Variants in SLC36A4 observed in about 807,000 individuals in gnomAD.
SLC36A4 encodes neutral amino acid uniporter 4.
A neutral mutation model predicts 50.5 loss-of-function variants in SLC36A4; 49 were observed. The observed-to-expected ratio is 0.97, with a 90% CI of 0.77 to 1.23. SLC36A4 has a LOEUF of 1.23. Among genes scored for constraint, SLC36A4 ranks in the 50% most tolerant of loss-of-function variants. The probability of loss-of-function intolerance (pLI) is 0.00; values close to 1 mark genes in which losing one functional copy is unlikely to be tolerated. For synonymous variants in SLC36A4, 207 were observed against 206.5 expected (o/e 1.00, Z -0.02); for missense variants, 611 against 608.4 (o/e 1.00, Z -0.05).
At position 93,180,363 on chromosome 11, in the gene SLC36A4, A is replaced by G. The variant is rs1012246506; in HGVS notation, c.540+434T>C. Reference sequence around the variant, plus strand: ...CAGAAAACTGTTCATTTTTGGACACAGTGTCTTTTTACACAATGGCTATAA... The same window carrying G: ...CAGAAAACTGTTCATTTTTGGACACGGTGTCTTTTTACACAATGGCTATAA... On this transcript the variant is annotated intron_variant, in intron 6 of 10. Transcript: ENST00000326402. The G allele has an allele frequency of 1.9e-5, 19 of 979,506 alleles. No individual in the cohort carries two copies. The African/African-American group carries it at 3.0e-4, about 15-fold the overall frequency. 60.7% of individuals were successfully genotyped at this position (979,506 alleles called of 1,614,324 possible). A position where few individuals can be genotyped will look rare whatever the true frequency, so the allele number is the denominator to read the frequency against.
intron 6 of SLC36A4, among the ~76,000 whole-genome samples, chr11:93,168,400 T>C (rs1327024468): frequency 1.3e-5 from 2 of 152,106 alleles, no homozygotes; most frequent in African/African-American, 4.8e-5. Flanking sequence ...GGTAATTTCT[T>C]TTATCATACT....
At position 93,146,797 on chromosome 11, in the gene SLC36A4, T is replaced by A. The variant is rs1236643484; in HGVS notation, c.*1740A>T. 1 of 152,120 alleles carries A rather than the reference T, an allele frequency of 6.6e-6. No homozygotes were observed. The highest frequency in any genetic ancestry group is 2.1e-4 in the South Asian group (1 of 4,832). The allele number at this position is 152,120 out of a possible 1,614,324, so 9.4% of individuals were successfully genotyped here. A position where few individuals can be genotyped will look rare whatever the true frequency, so the allele number is the denominator to read the frequency against. On this transcript the variant is annotated 3_prime_UTR_variant, in exon 11 of 11. Transcript: ENST00000326402. ...AGTCAGAAGACAATTCTATTCTTAATAATTTTCATTTTCCCCACTAACTGA... is the reference window on the plus strand; with the variant it reads ...AGTCAGAAGACAATTCTATTCTTAAAAATTTTCATTTTCCCCACTAACTGA...
intron 9 of SLC36A4, among the ~76,000 whole-genome samples, chr11:93,155,935 C>T (rs1860338739): frequency 6.6e-6 from 1 of 152,198 alleles, no homozygotes; most frequent in Non-Finnish European, 1.5e-5. Context: ...CATAGTATTC[C>T]ATGATGTATA....
Position 93,144,623 on chromosome 11 carries a change from C to G in SLC36A4, c.*3914G>C, listed in dbSNP as rs1280258291. The G allele has an allele frequency of 6.6e-6, 1 of 151,988 alleles. No homozygotes were observed. The highest frequency in any genetic ancestry group is 1.5e-5 in the Non-Finnish European group (1 of 67,966). 9.4% of individuals were successfully genotyped at this position (151,988 alleles called of 1,614,324 possible). On this transcript the variant is annotated 3_prime_UTR_variant, in exon 11 of 11. Transcript: ENST00000326402. The stretch of plus-strand genomic sequence containing the variant: ...ATAGGGCAATAAATAGCATTTCTAG[C>G]CATTTCTTAGGCATGTTTCCTTATC...
rs1861960612 is a variant in SLC36A4, at chr11:93,185,818, T to C, written c.56-4A>G. 4 of 1,571,900 alleles carry C rather than the reference T, an allele frequency of 2.5e-6. No homozygotes were observed. The highest frequency in any genetic ancestry group is 3.4e-6 in the Non-Finnish European group (4 of 1,168,976). On this transcript the variant is annotated splice_polypyrimidine_tract_variant and splice_region_variant and intron_variant, in intron 1 of 10. Coordinates refer to ENST00000326402, the MANE Select transcript of SLC36A4 (RefSeq NM_152313.4). ...AAGGGCCTCATTACATCCATATCTT[T>C]AAAAAAGAAAAACAAAGTACTTCAC...
At chr11:93,160,319 G>T (rs1321927421) in intron 9 of SLC36A4, 1 of 985,268 alleles carries the variant, frequency 1.0e-6, no homozygotes. Flanking sequence ...TGGCTTTCCT[G>T]TTTTTTCCAG....
In SLC36A4 at chr11:93,148,188, T is replaced by G. The variant is rs1056895075; in HGVS notation, c.*349A>C. The G allele has an allele frequency of 5.2e-6, 1 of 191,536 alleles. No individual in the cohort carries two copies. The highest frequency in any genetic ancestry group is 1.1e-5 in the Non-Finnish European group (1 of 95,234). The allele number at this position is 191,536 out of a possible 1,614,324, so 11.9% of individuals were successfully genotyped here. ...TTATTGTTGAAATCCTATTCTGTTC[T>G]CAAGTGAGTGGCAAAAGAGTAGCAT... On this transcript the variant is annotated 3_prime_UTR_variant, in exon 11 of 11. Transcript: ENST00000326402.
chr11:93,180,907 T>C, intron 5 of SLC36A4, 26 bp from the exon 6 acceptor site: 1 of 1,409,870 alleles, frequency 7.1e-7, no homozygotes, highest in Non-Finnish European at 1.0e-6. Flanking sequence ...CACAAATGAG[T>C]ATCCAGGAGA....
chr11:93,159,692 A>C, intron 9 of SLC36A4: 1 of 438,226 alleles, frequency 2.3e-6, no homozygotes, highest in Non-Finnish European at 3.0e-6. Context: ...TACATTCTTT[A>C]CTTCAAAAGC....
At chr11:93,154,566 T>C (rs537173131) in intron 9 of SLC36A4, 1 of 169,486 alleles carries the variant, frequency 5.9e-6, no homozygotes, top group East Asian at 1.5e-4. Flanking sequence ...TTCTGAAGGT[T>C]AGACTCAGCC....
chr11:93,173,222 T>C (rs1412702297), intron 6 of SLC36A4, among the ~76,000 whole-genome samples: 4 of 150,062 alleles, frequency 2.7e-5, no homozygotes, highest in Non-Finnish European at 3.0e-5. Context: ...TTTCATGTGT[T>C]TTTTGGCTGC....
chr11:93,149,696 T>G (rs1859990114), intron 10 of SLC36A4, among the ~76,000 whole-genome samples: 1 of 152,008 alleles, frequency 6.6e-6, no homozygotes, highest in South Asian at 2.1e-4. Context: ...TCAAGGACAG[T>G]CAAGATTGGA....
At chr11:93,171,984 C>T (rs1358171993) in intron 6 of SLC36A4, 1 of 152,144 alleles carries the variant, frequency 6.6e-6, no homozygotes, top group Admixed American at 6.5e-5. Flanking sequence ...TACTTGCTCT[C>T]GCTAAGACCT....
chr11:93,179,132 C>G (rs903133833), intron 6 of SLC36A4, among the ~76,000 whole-genome samples: 1 of 152,112 alleles, frequency 6.6e-6, no homozygotes, highest in Non-Finnish European at 1.5e-5. Flanking sequence ...AGGATTAAAC[C>G]CTTTCAGTCC....
At chr11:93,158,717 A>G (rs895374797) in intron 9 of SLC36A4, among the ~76,000 whole-genome samples, 6 of 152,150 alleles carry the variant, frequency 3.9e-5, no homozygotes, top group Non-Finnish European at 7.4e-5. Flanking sequence ...CAACTTTTGT[A>G]TAGCTATTAT....
chr11:93,189,666 C>T (rs981158654), intron 1 of SLC36A4, among the ~76,000 whole-genome samples: 1 of 152,098 alleles, frequency 6.6e-6, no homozygotes, highest in East Asian at 1.9e-4. Flanking sequence ...ATGTTCTGTG[C>T]TGTACTAAGC....
chr11:93,163,340 C>T (rs181064898), intron 8 of SLC36A4, among the ~76,000 whole-genome samples: 171 of 152,296 alleles, frequency 1.1e-3, no homozygotes, highest in Non-Finnish European at 1.9e-3. Context: ...TGTCCCAGAG[C>T]TCCATCCAGG....
chr11:93,197,687 C>G (rs1410589645), intron 1 of SLC36A4, 91 bp downstream of exon 1: 24 of 1,395,042 alleles, frequency 1.7e-5, no homozygotes, highest in Non-Finnish European at 2.3e-5. Context: ...TCAGGCCAAG[C>G]GCGGGGCCCC....
intron 6 of SLC36A4, chr11:93,180,212 T>G (rs548631835): frequency 6.1e-4 from 598 of 984,946 alleles, no homozygotes; most frequent in Non-Finnish European, 6.7e-4. Flanking sequence ...ATTGTTTTGA[T>G]GGAGGGATTT....
Sources: gnomAD v4.1 joint callset for allele counts (sites outside exome capture counted in the v4.1 genomes callset) on GRCh38, gnomAD v4.1.1 for gene constraint, MANE v1.5 for transcripts, NCBI Gene and HGNC (gene_info 2026-07-23, HGNC 2026-07-21) for gene names.